Variants in GLIS3 observed in about 807,000 individuals in gnomAD.
GLIS3 encodes the protein zinc finger protein GLIS3.
GLIS3 carries 53 observed loss-of-function variants against 78.6 expected under a neutral mutation model. The ratio of observed to expected loss-of-function variants is 0.67; its 90% confidence interval spans 0.54 to 0.85. GLIS3 has a LOEUF of 0.85. Ranked by LOEUF, GLIS3 falls within the 40% of genes least tolerant of loss-of-function variation. The probability of loss-of-function intolerance (pLI) is 0.00; values close to 1 mark genes in which losing one functional copy is unlikely to be tolerated. For missense variants in GLIS3, 1,703 were observed against 1,231.1 expected, an observed-to-expected ratio of 1.38 and a Z score of -5.74; for synonymous variants, 684 against 509.9, an observed-to-expected ratio of 1.34 and a Z score of -4.60.
intron 7 of GLIS3, among the ~76,000 whole-genome samples, chr9:3,885,397 T>C (rs1330014242): frequency 2.6e-5 from 4 of 152,208 alleles, no homozygotes; most frequent in African/African-American, 7.2e-5. Flanking sequence ...CATTCATGGT[T>C]GCATTATGGC....
At chr9:4,424,021 A>C in the GLIS3 span, among the ~76,000 whole-genome samples, 1 of 152,256 alleles carries the variant, frequency 6.6e-6, no homozygotes, top group Non-Finnish European at 1.5e-5. Flanking sequence ...GTCAGGAAAA[A>C]GAATTGGTAA....
intron 2 of GLIS3, among the ~76,000 whole-genome samples, chr9:4,220,733 G>GA (rs1398667215): frequency 2.9e-4 from 38 of 132,500 alleles, no homozygotes; most frequent in East Asian, 6.4e-4. Context: ...CCATTTCAAA[G>GA]AAAAAAAAAA....
At chr9:4,093,169 G>C (rs988407805) in intron 4 of GLIS3, among the ~76,000 whole-genome samples, 3 of 152,148 alleles carry the variant, frequency 2.0e-5, no homozygotes, top group Admixed American at 1.3e-4. Context: ...TAACATGCTG[G>C]CCTCACAGCC....
chr9:4,358,928 C>T, the GLIS3 span, among the ~76,000 whole-genome samples: 1 of 152,296 alleles, frequency 6.6e-6, no homozygotes, highest in East Asian at 1.9e-4. Context: ...GACTTTCAGG[C>T]TGGCTGTAGT....
intron 7 of GLIS3, among the ~76,000 whole-genome samples, chr9:3,886,787 A>G (rs145159542): frequency 5.8e-4 from 88 of 152,280 alleles, no homozygotes; most frequent in Non-Finnish European, 1.1e-3. Flanking sequence ...CCAGAAAGAG[A>G]TTTCTAGCAA....
chr9:4,310,312 C>T (rs994798222), intron 3 of GLIS3: 2 of 152,036 alleles, frequency 1.3e-5, no homozygotes, highest in African/African-American at 2.4e-5. Context: ...TAGGTATAAT[C>T]CCTCTTCTAT....
At chr9:4,045,263 C>T (rs569376237) in intron 4 of GLIS3, among the ~76,000 whole-genome samples, 1 of 152,146 alleles carries the variant, frequency 6.6e-6, no homozygotes, top group Admixed American at 6.6e-5. Flanking sequence ...CTGATGTACA[C>T]ACTGGACCTT....
chr9:4,056,967 T>G (rs1416143302), intron 4 of GLIS3, among the ~76,000 whole-genome samples: 1 of 149,202 alleles, frequency 6.7e-6, no homozygotes, highest in Non-Finnish European at 1.5e-5. Context: ...AAATTTATGA[T>G]GACTAAGAAT....
At chr9:4,197,287 G>A (rs1295810742) in intron 2 of GLIS3, among the ~76,000 whole-genome samples, 1 of 152,116 alleles carries the variant, frequency 6.6e-6, no homozygotes, top group Non-Finnish European at 1.5e-5. Context: ...CCATGACTAA[G>A]CACATCTCCA....
chr9:4,475,429 T>C, the GLIS3 span, among the ~76,000 whole-genome samples: 2 of 152,192 alleles, frequency 1.3e-5, no homozygotes, highest in South Asian at 2.1e-4. Context: ...AGAGCATTCT[T>C]GAGTGAGGTC....
At chr9:3,874,402 C>CT (rs1821166268) in intron 8 of GLIS3, among the ~76,000 whole-genome samples, 1 of 152,182 alleles carries the variant, frequency 6.6e-6, no homozygotes, top group Non-Finnish European at 1.5e-5. Context: ...ACCTATACAT[C>CT]TTTTCATTGG....
intron 4 of GLIS3, among the ~76,000 whole-genome samples, chr9:4,010,346 AC>A (rs1821901684): frequency 6.6e-6 from 1 of 152,190 alleles, no homozygotes; most frequent in Non-Finnish European, 1.5e-5. Context: ...CAATCACTTT[AC>A]AGGACAGTTG....
intron 3 of GLIS3, 109 bp downstream of exon 3, chr9:4,125,621 TGTAA>T: frequency 5.1e-6 from 4 of 784,016 alleles, no homozygotes; most frequent in Admixed American, 3.9e-5. Flanking sequence ...TGCTTGAGTG[TGTAA>T]GTGTATGAGT....
the GLIS3 span, among the ~76,000 whole-genome samples, chr9:4,401,372 G>A: frequency 2.1e-3 from 315 of 151,902 alleles, no homozygotes; most frequent in African/African-American, 7.1e-3. Flanking sequence ...CGATTCTCCT[G>A]CCTCAGCCTC....
intron 6 of GLIS3, among the ~76,000 whole-genome samples, chr9:3,911,157 T>A (rs149519861): frequency 6.6e-6 from 1 of 152,206 alleles, no homozygotes; most frequent in Non-Finnish European, 1.5e-5. Flanking sequence ...TTCCGCACTA[T>A]TTCTTGATTC....
chr9:4,302,140 AG>A (rs1184102937), upstream of GLIS3, among the ~76,000 whole-genome samples: 3 of 152,288 alleles, frequency 2.0e-5, no homozygotes, highest in East Asian at 5.8e-4. Context: ...ATTGGTCAGC[AG>A]GGGTGAGGGA....
intron 2 of GLIS3, among the ~76,000 whole-genome samples, chr9:4,330,861 G>A (rs887060850): frequency 2.0e-5 from 3 of 152,130 alleles, no homozygotes; most frequent in Admixed American, 2.0e-4. Flanking sequence ...GCCAGGAGTG[G>A]GTTAAGCTGA....
chr9:4,315,301 C>T (rs1587381250), intron 2 of GLIS3, among the ~76,000 whole-genome samples: 1 of 152,118 alleles, frequency 6.6e-6, no homozygotes, highest in African/African-American at 2.4e-5. Flanking sequence ...AGTGATCATG[C>T]CTATCTCCTA....
intron 2 of GLIS3, among the ~76,000 whole-genome samples, chr9:4,160,255 T>A (rs1297334485): frequency 6.6e-6 from 1 of 152,236 alleles, no homozygotes; most frequent in African/African-American, 2.4e-5. Context: ...TTCTTCAGAA[T>A]AACCTCCAGT....
Sources: gnomAD v4.1 joint callset for allele counts (sites outside exome capture counted in the v4.1 genomes callset) on GRCh38, gnomAD v4.1.1 for gene constraint, MANE v1.5 for transcripts, NCBI Gene and HGNC (gene_info 2026-07-23, HGNC 2026-07-21) for gene names.